TRIP12: variants seen among roughly 807,000 people sequenced by gnomAD.
TRIP12 encodes E3 ubiquitin-protein ligase TRIP12.
Under a neutral mutation model 244.2 loss-of-function variants are expected in TRIP12, and 25 were observed. The ratio of observed to expected loss-of-function variants is 0.10; its 90% CI spans 0.07 to 0.14. TRIP12 has a LOEUF of 0.14. TRIP12 is among the 10% of genes least tolerant of loss of function. TRIP12 has a pLI of 1.00. For missense variants in TRIP12, 1,677 were observed against 2,486.4 expected (o/e 0.67, Z 6.92); for synonymous variants, 905 against 873.1 (o/e 1.04, Z -0.64).
Position 229,768,638 on chromosome 2 carries a change from A to G in TRIP12, c.5985T>C (p.Gly1995=), listed in dbSNP as rs1250638553. ...CACCTCCAACAGGCAATCTTGGGCT[A>G]CCAGTCACAAACTGGAGAAATAACC... ...QQRLFLQFVT[G]SPRLPVGGFR... is the part of the protein sequence containing the mutation. Residue 1995 remains glycine (G), a synonymous_variant, in exon 41 of 42, where the codon GGT becomes GGC. Transcript: ENST00000675903. The G allele has an allele frequency of 6.2e-7, 1 of 1,612,698 alleles. No homozygotes were observed.
rs1471201231 is a variant in TRIP12 at position 229,765,063 on chromosome 2, G to A, written c.*2491C>T. The stretch of plus-strand genomic sequence containing the variant: ...AGTTTTCTGGGGGGATAGGAAGAGG[G>A]GATTACATTTAGCTACCTCTTCCTT... On this transcript the variant is annotated 3_prime_UTR_variant, in exon 42 of 42. Coordinates refer to ENST00000675903, the MANE Select transcript of TRIP12 (RefSeq NM_001348323.3). 6.6e-6 allele frequency: 1 copy of A among 152,042 alleles called. No homozygotes were observed. Among genetic ancestry groups the A allele is most frequent in the Admixed American group, 6.6e-5 (1 of 15,256 alleles). The allele number at this position is 152,042 out of a possible 1,614,324, so 9.4% of individuals were successfully genotyped here.
At chr2:229,830,733 A>G in intron 7 of TRIP12, 23 bp downstream of exon 7, 1 of 1,601,608 alleles carries the variant, frequency 6.2e-7, no homozygotes, top group Non-Finnish European at 8.6e-7. Context: ...ATGGTTTCTT[A>G]TAGGCTCAAT....
intron 7 of TRIP12, among the ~76,000 whole-genome samples, chr2:229,829,717 G>C (rs1448932396): frequency 6.6e-6 from 1 of 152,176 alleles, no homozygotes; most frequent in Non-Finnish European, 1.5e-5. Context: ...GGGAGGCCGA[G>C]ACGGGAGGAT....
At chr2:229,813,836 A>T (rs756295853) in intron 13 of TRIP12, 34 bp downstream of exon 13, 2 of 1,354,166 alleles carry the variant, frequency 1.5e-6, no homozygotes, top group African/African-American at 3.0e-5. Context: ...GTAATAAAAC[A>T]CTTTATGGCA....
At chr2:229,879,561 T>C (rs557564001) in intron 2 of TRIP12, among the ~76,000 whole-genome samples, 1 of 152,226 alleles carries the variant, frequency 6.6e-6, no homozygotes, top group East Asian at 1.9e-4. Flanking sequence ...AAAGGCATGA[T>C]GAGGACAAAA....
In TRIP12 at chr2:229,787,492, G is replaced by C; in HGVS notation, c.4995+13C>G. 6.3e-7 allele frequency: 1 copy of C among 1,592,786 alleles called. No homozygotes were observed. The highest frequency in any genetic ancestry group is 8.5e-7 in the Non-Finnish European group (1 of 1,173,502). ...AAGCTCAGATTATTTAAAGATTTTG[G>C]GGAGAAACTTACTTTTTTTCTATCC... On this transcript the variant is annotated intron_variant, in intron 33 of 41. Transcript: ENST00000675903.
chr2:229,779,701 T>C (rs1350986960), intron 34 of TRIP12, among the ~76,000 whole-genome samples: 1 of 152,174 alleles, frequency 6.6e-6, no homozygotes, highest in East Asian at 1.9e-4. Flanking sequence ...TTTATCAACA[T>C]GCACATATAG....
chr2:229,805,222 A>AAACAACAACAACAACAACAACAACAAC (rs1297499840), intron 18 of TRIP12, among the ~76,000 whole-genome samples: 2,743 of 149,426 alleles, frequency 0.018, 48 homozygotes, highest in Middle Eastern at 0.038. Flanking sequence ...GCCCTTTTCA[A>AAACAACAACAACAACAACAACAACAAC]AACAACAACA....
chr2:229,787,681 A>C lies in TRIP12; in HGVS notation c.4839-20T>G. On this transcript the variant is annotated intron_variant, in intron 32 of 41. Coordinates refer to ENST00000675903, the MANE Select transcript of TRIP12 (RefSeq NM_001348323.3). The stretch of plus-strand genomic sequence containing the variant: ...AATGGGCTGTAAAAAGATGCAATGT[A>C]AGTTTATTATCTGGATGAGAATCAG... 1 of 1,574,430 alleles carries C rather than the reference A, an allele frequency of 6.4e-7. No homozygotes were observed. Among genetic ancestry groups the C allele is most frequent in the East Asian group, 2.3e-5 (1 of 43,700 alleles).
At chr2:229,906,444 G>A (rs763167498) in intron 1 of TRIP12, among the ~76,000 whole-genome samples, 26 of 150,952 alleles carry the variant, frequency 1.7e-4, no homozygotes, top group East Asian at 5.8e-4. Flanking sequence ...AAATTAGGCC[G>A]GGCTCAGTGG....
Position 229,893,958 on chromosome 2 carries a change from C to T in TRIP12, c.-49-13830G>A, listed in dbSNP as rs189765785. Among the ~76,000 whole-genome samples the T allele has an allele frequency of 3.8e-4, 58 of 152,252 alleles. No individual in the cohort carries two copies. The East Asian group carries it at 0.01, about 26-fold the overall frequency. ...AAACTCCTGGACTCAAGCAATCCGC[C>T]CACCTCAGCCTCTCAAAGTATTGGC... On this transcript the variant is annotated intron_variant, in intron 1 of 41. Coordinates refer to ENST00000675903, the MANE Select transcript of TRIP12 (RefSeq NM_001348323.3).
At chr2:229,873,115 A>AG (rs2062977620) in intron 2 of TRIP12, among the ~76,000 whole-genome samples, 1 of 152,252 alleles carries the variant, frequency 6.6e-6, no homozygotes, top group African/African-American at 2.4e-5. Flanking sequence ...CCTCATTACT[A>AG]GAGAAACAGC....
intron 26 of TRIP12, 39 bp from the exon 27 acceptor site, chr2:229,793,184 T>G: frequency 6.3e-7 from 1 of 1,585,446 alleles, no homozygotes; most frequent in Non-Finnish European, 8.6e-7. Context: ...GTCTATTATT[T>G]TCACATTTAA....
rs1292370824 is a variant in TRIP12 at position 229,779,770 on chromosome 2, T to G, written c.5095-780A>C. 2.0e-5 allele frequency among the ~76,000 whole-genome samples: 3 copies of G among 152,084 alleles called. No individual in the cohort carries two copies. The East Asian group carries it at 5.8e-4, about 29-fold the overall frequency. ...GTACAGCTTAGAGCCTGGGCACTGG[T>G]ATTATTAAACAAGTTCTGAAGGTGA... On this transcript the variant is annotated intron_variant, in intron 34 of 41. Transcript: ENST00000675903.
chr2:229,916,860 T>A (rs1301542854), intron 1 of TRIP12, among the ~76,000 whole-genome samples: 2 of 145,396 alleles, frequency 1.4e-5, no homozygotes. Flanking sequence ...AAATTTTACT[T>A]AAAAAAAAAA....
intron 1 of TRIP12, chr2:229,894,411 T>G (rs2068199499): frequency 2.6e-5 from 4 of 152,270 alleles, no homozygotes; most frequent in South Asian, 2.1e-4. Context: ...ATGGCCCCTG[T>G]GTAAGGATTA....
At chr2:229,895,842 G>C (rs1186536207) in intron 1 of TRIP12, among the ~76,000 whole-genome samples, 1 of 152,090 alleles carries the variant, frequency 6.6e-6, no homozygotes, top group Non-Finnish European at 1.5e-5. Context: ...TCTAAACCCA[G>C]ACATGTCATA....
chr2:229,905,196 C>T (rs752063077), intron 1 of TRIP12, among the ~76,000 whole-genome samples: 8 of 151,740 alleles, frequency 5.3e-5, no homozygotes, highest in Non-Finnish European at 1.2e-4. Context: ...ATCGCCTGAA[C>T]CTGGGAGGCA....
At chr2:229,920,011 T>C (rs1577252184) in intron 1 of TRIP12, among the ~76,000 whole-genome samples, 1 of 152,242 alleles carries the variant, frequency 6.6e-6, no homozygotes, top group African/African-American at 2.4e-5. Context: ...TCAGCCTCAA[T>C]AAAATCCTCT....
Sources: allele counts gnomAD v4.1 joint callset (sites outside exome capture counted in the v4.1 genomes callset), GRCh38; gene constraint gnomAD v4.1.1; transcripts MANE v1.5; gene names NCBI Gene and HGNC (gene_info 2026-07-23, HGNC 2026-07-21).